Variants in MIPEP observed in about 807,000 individuals in gnomAD.
MIPEP encodes mitochondrial intermediate peptidase.
MIPEP carries 79 observed loss-of-function variants against 90.3 expected under a neutral mutation model. That is an observed-to-expected ratio of 0.87 (90% confidence interval 0.73 to 1.05). The LOEUF (loss-of-function observed/expected upper bound fraction) is 1.05, where lower values mean the gene tolerates loss of function less well. Ranked by LOEUF, MIPEP falls within the 50% of genes least tolerant of loss-of-function variation. The probability of loss-of-function intolerance (pLI) is 0.00; values close to 1 mark genes in which losing one functional copy is unlikely to be tolerated. For missense variants in MIPEP, 940 were observed against 905.6 expected (o/e 1.04, Z -0.49); for synonymous variants, 334 against 315.8 (o/e 1.06, Z -0.61).
intron 16 of MIPEP, among the ~76,000 whole-genome samples, chr13:23,763,230 T>C (rs958399244): frequency 6.6e-5 from 10 of 152,202 alleles, no homozygotes; most frequent in Non-Finnish European, 2.9e-5. Context: ...TGATGAGAAC[T>C]CATGGACCAC....
intron 15 of MIPEP, among the ~76,000 whole-genome samples, chr13:23,807,074 G>A (rs1295192928): frequency 6.6e-6 from 1 of 152,116 alleles, no homozygotes; most frequent in Non-Finnish European, 1.5e-5. Context: ...TATAGGGAGG[G>A]CTCAACTAGA....
chr13:23,889,337 T>A lies in MIPEP; in HGVS notation c.-17A>T. 1 of 1,310,608 alleles carries A rather than the reference T, an allele frequency of 7.6e-7. No individual in the cohort carries two copies. Among genetic ancestry groups the A allele is most frequent in the Non-Finnish European group, 9.7e-7 (1 of 1,028,748 alleles). 81.2% of individuals were successfully genotyped at this position (1,310,608 alleles called of 1,614,324 possible). A position where few individuals can be genotyped will look rare whatever the true frequency, so the allele number is the denominator to read the frequency against. ...GCACAGCATTCTAGCACCAGAGCAG[T>A]CCCTTCCTCCAACGCAGATCCCTGC... On this transcript the variant is annotated 5_prime_UTR_variant, in exon 1 of 19. Transcript: ENST00000382172.
At chr13:23,880,637 A>G (rs1165611646) in intron 3 of MIPEP, among the ~76,000 whole-genome samples, 1 of 152,142 alleles carries the variant, frequency 6.6e-6, no homozygotes, top group Non-Finnish European at 1.5e-5. Context: ...GCTTTCTCCC[A>G]GGGAGTCCCC....
chr13:23,785,411 T>C (rs1411458310), intron 16 of MIPEP, among the ~76,000 whole-genome samples: 2 of 149,990 alleles, frequency 1.3e-5, no homozygotes, highest in African/African-American at 4.9e-5. Context: ...ACACCGCATG[T>C]TCTCACTCAC....
intron 14 of MIPEP, among the ~76,000 whole-genome samples, chr13:23,819,480 G>A (rs1019179383): frequency 6.6e-6 from 1 of 151,966 alleles, no homozygotes; most frequent in African/African-American, 2.4e-5. Flanking sequence ...ATTCTACTTT[G>A]TAGAATAGAG....
At chr13:23,775,798 GGAA>G (rs1156855824) in intron 16 of MIPEP, among the ~76,000 whole-genome samples, 2 of 152,122 alleles carry the variant, frequency 1.3e-5, no homozygotes, top group African/African-American at 4.8e-5. Context: ...CAAAAACACA[GGAA>G]GAAGAGATAA....
chr13:23,873,060 C>T (rs1435401743), intron 5 of MIPEP, among the ~76,000 whole-genome samples: 1 of 152,196 alleles, frequency 6.6e-6, no homozygotes, highest in Non-Finnish European at 1.5e-5. Flanking sequence ...AAGAAGAATG[C>T]CACATGACTG....
In MIPEP at chr13:23,832,332, G is replaced by A. The variant is rs537059323; in HGVS notation, c.1653+3908C>T. Among the ~76,000 whole-genome samples, 4 of 151,978 alleles carry A rather than the reference G, an allele frequency of 2.6e-5. No homozygotes were observed. In the South Asian group the frequency reaches 8.3e-4, roughly 32 times the overall value. On this transcript the variant is annotated intron_variant, in intron 14 of 18. Coordinates refer to ENST00000382172, the MANE Select transcript of MIPEP (RefSeq NM_005932.4). The stretch of plus-strand genomic sequence containing the variant: ...TCATCAGATACGGCCCCTTGACCTT[G>A]GACTTCTCAGCCTCCATAACTGTAA...
chr13:23,788,835 T>C (rs992777639), intron 16 of MIPEP, among the ~76,000 whole-genome samples: 6 of 152,230 alleles, frequency 3.9e-5, no homozygotes, highest in African/African-American at 1.4e-4. Context: ...ATATGTAAAC[T>C]CTTCAGGTTC....
chr13:23,879,827 C>T (rs758752272), intron 3 of MIPEP, among the ~76,000 whole-genome samples: 1 of 152,082 alleles, frequency 6.6e-6, no homozygotes, highest in Non-Finnish European at 1.5e-5. Flanking sequence ...TTTAGGCTGC[C>T]GTGAGGATTA....
In MIPEP at chr13:23,841,549, T is replaced by G. The variant is rs12868565; in HGVS notation, c.1107-61A>C. The G allele has an allele frequency of 2.9e-3, 4,333 of 1,488,136 alleles. 11 individuals carry two copies. Among genetic ancestry groups the G allele is most frequent in the Middle Eastern group, 0.021 (118 of 5,574 alleles). The allele number at this position is 1,488,136 out of a possible 1,614,324, so 92.2% of individuals were successfully genotyped here. ...TTTATTTCAATTTCTGAAGGTAAAT[T>G]CAATTAACTTTTCATTTAATACTTA... On this transcript the variant is annotated intron_variant, in intron 10 of 18. Transcript: ENST00000382172.
At chr13:23,809,350 C>CT (rs71185094) in intron 15 of MIPEP, among the ~76,000 whole-genome samples, 39,355 of 144,448 alleles carry the variant, frequency 0.27, 5,602 homozygotes, top group African/African-American at 0.37. Context: ...GGGAAATAGT[C>CT]TTTTTTTTTT....
chr13:23,796,596 A>C (rs1952965207), intron 16 of MIPEP, among the ~76,000 whole-genome samples: 1 of 151,024 alleles, frequency 6.6e-6, no homozygotes, highest in African/African-American at 2.4e-5. Flanking sequence ...AAAAAAAAAC[A>C]AAAAAACTCC....
intron 16 of MIPEP, among the ~76,000 whole-genome samples, chr13:23,802,378 C>G (rs192705374): frequency 6.6e-6 from 1 of 152,206 alleles, no homozygotes; most frequent in East Asian, 1.9e-4. Context: ...AGTTCAAGAC[C>G]AGCCTGGCCA....
chr13:23,737,212 G>A (rs1014696291), intron 18 of MIPEP, among the ~76,000 whole-genome samples: 2 of 152,188 alleles, frequency 1.3e-5, no homozygotes, highest in Admixed American at 6.5e-5. Context: ...CAGTGGCTTC[G>A]TCTCACAGGG....
In MIPEP at chr13:23,756,388, C is replaced by T. The variant is rs925273867; in HGVS notation, c.2044+157G>A. ...CAGGCTGGTCTCGAACTCCTGACCT[C>T]AGGTGATCCACCCTCCTTGGGGCCT... On this transcript the variant is annotated intron_variant, in intron 18 of 18. Coordinates refer to ENST00000382172, the MANE Select transcript of MIPEP (RefSeq NM_005932.4). The T allele has an allele frequency of 6.1e-5, 42 of 691,278 alleles. No individual in the cohort carries two copies. The Admixed American group carries it at 9.0e-4, about 15-fold the overall frequency. 42.8% of individuals were successfully genotyped at this position (691,278 alleles called of 1,614,324 possible).
At chr13:23,787,752 G>A (rs1390941645) in intron 16 of MIPEP, among the ~76,000 whole-genome samples, 1 of 152,164 alleles carries the variant, frequency 6.6e-6, no homozygotes. Flanking sequence ...CGAGGCAAGT[G>A]AGTTTGCATT....
intron 10 of MIPEP, among the ~76,000 whole-genome samples, chr13:23,843,430 A>ACTTTT (rs1394377950): frequency 1.3e-5 from 2 of 152,172 alleles, no homozygotes; most frequent in African/African-American, 4.8e-5. Context: ...CACTAAAATA[A>ACTTTT]CTTTTGAGTA....
rs1004237820 is a variant in MIPEP, at chr13:23,871,915, GA to G, written c.604-1721del. On this transcript the variant is annotated intron_variant, in intron 5 of 18. Transcript: ENST00000382172. Reference sequence around the variant, plus strand: ...AAATTGTCTTCAAAACTTTTACTTTGAAAAAAAAAATGTGATAAAATTAACT... The same window carrying G: ...AAATTGTCTTCAAAACTTTTACTTTGAAAAAAAAATGTGATAAAATTAACT... Among the ~76,000 whole-genome samples the G allele has an allele frequency of 4.8e-4, 71 of 147,654 alleles. 1 individual carries two copies. The highest frequency in any genetic ancestry group is 3.2e-3 in the South Asian group (15 of 4,656).
Sources: gnomAD v4.1 joint callset for allele counts (sites outside exome capture counted in the v4.1 genomes callset) on GRCh38, gnomAD v4.1.1 for gene constraint, MANE v1.5 for transcripts, NCBI Gene and HGNC (gene_info 2026-07-23, HGNC 2026-07-21) for gene names.